DENND4C: variants seen among roughly 807,000 people sequenced by gnomAD.
The protein encoded by DENND4C is DENN domain-containing protein 4C.
A neutral mutation model predicts 203.0 loss-of-function variants in DENND4C; 108 were observed. The ratio of observed to expected loss-of-function variants is 0.53; its 90% CI spans 0.46 to 0.62. The LOEUF (loss-of-function observed/expected upper bound fraction) is 0.62, where lower values mean the gene tolerates loss of function less well. Ranked by LOEUF, DENND4C falls within the 20% of genes least tolerant of loss-of-function variation. The pLI is 0.00. For missense variants in DENND4C, 2,481 were observed against 2,301.2 expected (o/e 1.08, Z -1.60); for synonymous variants, 871 against 792.4 (o/e 1.10, Z -1.67).
chr9:19,352,736 A>C, intron 26 of DENND4C, 71 bp downstream of exon 26: 1 of 1,265,070 alleles, frequency 7.9e-7, no homozygotes, highest in Non-Finnish European at 1.1e-6. Context: ...GAAGAGTGAA[A>C]TATTCCTGGT....
intron 12 of DENND4C, among the ~76,000 whole-genome samples, chr9:19,318,641 A>G (rs1842235294): frequency 6.6e-6 from 1 of 152,204 alleles, no homozygotes; most frequent in African/African-American, 2.4e-5. Context: ...AGATCAAGGT[A>G]GTTAGCAGGT....
intron 1 of DENND4C, among the ~76,000 whole-genome samples, chr9:19,267,931 A>G (rs568222900): frequency 2.6e-5 from 4 of 152,218 alleles, no homozygotes; most frequent in African/African-American, 9.6e-5. Context: ...GTCTGTTTAC[A>G]TTCAATGTCA....
At chr9:19,251,578 A>C (rs1182597500) in intron 1 of DENND4C, among the ~76,000 whole-genome samples, 1 of 152,078 alleles carries the variant, frequency 6.6e-6, no homozygotes, top group Non-Finnish European at 1.5e-5. Flanking sequence ...CAGGATGCAA[A>C]TTTTCTGAAC....
rs1369710573 is a variant in DENND4C, at chr9:19,314,081, CAA to C, written c.1488-2335_1488-2334del. Among the ~76,000 whole-genome samples, 5 of 150,730 alleles carry C rather than the reference CAA, an allele frequency of 3.3e-5. No homozygotes were observed. In the East Asian group the frequency reaches 8.0e-4, roughly 24 times the overall value. On this transcript the variant is annotated intron_variant, in intron 10 of 32. Coordinates refer to ENST00000434457, the MANE Select transcript of DENND4C (RefSeq NM_001330640.2). ...TGGGCAACAGAACGAGACTTCCCCT[CAA>C]GAGAGGGGAAAAAAAAGAATGATAC...
At chr9:19,357,669 A>G (rs1563838925) in intron 27 of DENND4C, 1 of 264,994 alleles carries the variant, frequency 3.8e-6, no homozygotes, top group African/African-American at 2.2e-5. Context: ...TGTTTAATAA[A>G]GATGAAATAA....
At chr9:19,340,471 A>ATT (rs34750449) in intron 20 of DENND4C, among the ~76,000 whole-genome samples, 2 of 149,456 alleles carry the variant, frequency 1.3e-5, no homozygotes, top group Admixed American at 6.7e-5. Flanking sequence ...TACTGATTTT[A>ATT]TTTTTTTTTT....
Position 19,346,658 on chromosome 9 carries a change from A to G in DENND4C, c.3889A>G (p.Ser1297Gly). ...TATGAACCTAAAAAGTCCCCTAGGT[A>G]GTAAATCTTCTAGTATGGAATTACA... The part of the protein sequence containing the change: ...SYMNLKSPLG[S>G]KSSSMELHRE... The change falls in exon 23 of 33, where the codon AGT becomes GGT. Residue 1297 changes from serine to glycine, a missense_variant. Ser to Gly is a moderately conservative substitution (Grantham distance 56). Around this residue, in one of 3 missense-constraint regions of DENND4C, gnomAD observed 2,289 missense variants for 2,113.3 expected, o/e 1.08. Coordinates refer to ENST00000434457, the MANE Select transcript of DENND4C (RefSeq NM_001330640.2). 1.2e-6 allele frequency: 2 copies of G among 1,614,192 alleles called. No homozygotes were observed. The highest frequency in any genetic ancestry group is 1.7e-6 in the Non-Finnish European group (2 of 1,180,030).
At chr9:19,352,775 C>A in intron 26 of DENND4C, 110 bp downstream of exon 26, 2 of 748,366 alleles carry the variant, frequency 2.7e-6, no homozygotes, top group South Asian at 6.2e-5. Context: ...CCTGTCTGTC[C>A]TTCACCTTCA....
intron 15 of DENND4C, among the ~76,000 whole-genome samples, chr9:19,326,476 C>A (rs1817861675): frequency 2.0e-5 from 3 of 151,962 alleles, no homozygotes; most frequent in South Asian, 4.1e-4. Context: ...GCTCCCTGCT[C>A]CCTTTGGGAG....
rs148462176 is a variant in DENND4C at position 19,263,128 on chromosome 9, G to C, written c.-17-13030G>C. Among the ~76,000 whole-genome samples the C allele has an allele frequency of 2.6e-3, 390 of 152,240 alleles. 1 individual carries two copies. Among genetic ancestry groups the C allele is most frequent in the African/African-American group, 9.2e-3 (383 of 41,552 alleles). Reference sequence around the variant, plus strand: ...TATGTTCCTTCTATAACCAATTTTTGAGAGTTTTTGTCATGAAAGGATATT... The same window carrying C: ...TATGTTCCTTCTATAACCAATTTTTCAGAGTTTTTGTCATGAAAGGATATT... On this transcript the variant is annotated intron_variant, in intron 1 of 32. Coordinates refer to ENST00000434457, the MANE Select transcript of DENND4C (RefSeq NM_001330640.2).
chr9:19,282,165 C>T (rs971139283), intron 2 of DENND4C, among the ~76,000 whole-genome samples: 4 of 151,190 alleles, frequency 2.6e-5, no homozygotes, highest in African/African-American at 9.7e-5. Context: ...AAACACTTAC[C>T]ATACAGCTGT....
chr9:19,300,076 G>C, intron 8 of DENND4C, 111 bp from the exon 9 acceptor site: 1 of 1,091,680 alleles, frequency 9.2e-7, no homozygotes, highest in Non-Finnish European at 1.2e-6. Context: ...AATAAGTAAA[G>C]ACTAGAAATT....
In DENND4C at chr9:19,357,701, TG is replaced by T. The variant is rs377753727; in HGVS notation, c.4965-261del. On this transcript the variant is annotated intron_variant, in intron 27 of 32. Coordinates refer to ENST00000434457, the MANE Select transcript of DENND4C (RefSeq NM_001330640.2). The stretch of plus-strand genomic sequence containing the variant: ...ATAATATTTGAGTAAAGCAACTGAA[TG>T]GGTACTTTGTCTTTTTAAAATAATA... 7.1e-5 allele frequency: 23 copies of T among 325,642 alleles called. No homozygotes were observed. The East Asian group carries it at 7.6e-4, about 11-fold the overall frequency. 20.2% of individuals were successfully genotyped at this position (325,642 alleles called of 1,614,324 possible).
At chr9:19,314,358 G>T (rs1841356137) in intron 10 of DENND4C, among the ~76,000 whole-genome samples, 2 of 151,994 alleles carry the variant, frequency 1.3e-5, no homozygotes, top group African/African-American at 4.8e-5. Flanking sequence ...GGAGCCTGAG[G>T]CAGGAGAATC....
intron 4 of DENND4C, 23 bp downstream of exon 4, chr9:19,288,688 T>C: frequency 8.3e-7 from 1 of 1,203,964 alleles, no homozygotes; most frequent in Non-Finnish European, 1.0e-6. Context: ...AAAAAAATTG[T>C]CTCAATTGCT....
intron 1 of DENND4C, among the ~76,000 whole-genome samples, chr9:19,248,391 C>CTT (rs199710017): frequency 2.0e-5 from 3 of 149,278 alleles, no homozygotes; most frequent in African/African-American, 7.4e-5. Context: ...GATCTTACTT[C>CTT]TTTTTTTTTT....
chr9:19,247,829 G>A (rs1825655394), intron 1 of DENND4C, among the ~76,000 whole-genome samples: 1 of 152,028 alleles, frequency 6.6e-6, no homozygotes, highest in African/African-American at 2.4e-5. Context: ...TGGTACTATC[G>A]TTTACCCACT....
At chr9:19,340,564 A>T (rs1424118516) in intron 20 of DENND4C, among the ~76,000 whole-genome samples, 1 of 151,888 alleles carries the variant, frequency 6.6e-6, no homozygotes, top group African/African-American at 2.4e-5. Context: ...CTCTTTATTC[A>T]TTGTATCTTA....
At chr9:19,261,055 A>T (rs1014181641) in intron 1 of DENND4C, among the ~76,000 whole-genome samples, 1 of 152,070 alleles carries the variant, frequency 6.6e-6, no homozygotes, top group Non-Finnish European at 1.5e-5. Flanking sequence ...AGAAATAGGG[A>T]TCTAGTTTCC....
Sources: gnomAD v4.1 joint callset for allele counts (sites outside exome capture counted in the v4.1 genomes callset) on GRCh38, gnomAD v4.1.1 for gene constraint, gnomAD v4.1.1 regional missense constraint, MANE v1.5 for transcripts, NCBI Gene and HGNC (gene_info 2026-07-23, HGNC 2026-07-21) for gene names.